Variants in HS3ST5 observed in about 807,000 individuals in gnomAD.
The protein encoded by HS3ST5 is heparan sulfate-glucosamine 3-sulfotransferase 5, also known as heparan sulfate glucosamine 3-O-sulfotransferase 5.
A neutral mutation model predicts 25.4 loss-of-function variants in HS3ST5; 10 were observed. That is an observed-to-expected ratio of 0.39 (90% CI 0.24 to 0.67). The LOEUF is 0.67. Ranked by LOEUF, HS3ST5 falls within the 30% of genes least tolerant of loss-of-function variation. HS3ST5 has a pLI of 0.44. For missense variants in HS3ST5, 324 were observed against 420.7 expected (o/e 0.77, Z 2.01); for synonymous variants, 170 against 162.4 (o/e 1.05, Z -0.36).
Position 114,060,138 on chromosome 6 carries a change from C to T in HS3ST5, c.108-1948G>A, listed in dbSNP as rs566006411. On this transcript the variant is annotated intron_variant, in intron 4 of 4. Transcript: ENST00000312719. ...AAGAGATTCTCCTGCCTCAGCCTCC[C>T]GAGTAGCTGGGATTACAGGCGTGCG... Among the ~76,000 whole-genome samples the T allele has an allele frequency of 3.7e-4, 56 of 152,204 alleles. No individual in the cohort carries two copies. The East Asian group carries it at 9.3e-3, about 25-fold the overall frequency.
chr6:114,147,743 G>A (rs745588891), intron 3 of HS3ST5, among the ~76,000 whole-genome samples: 2 of 151,970 alleles, frequency 1.3e-5, no homozygotes, highest in African/African-American at 2.4e-5. Flanking sequence ...ACCACACTTC[G>A]CTAATTTTTG....
Position 114,058,191 on chromosome 6 carries a change from C to A in HS3ST5, c.108-1G>T. On this transcript the variant is annotated splice_acceptor_variant, in intron 4 of 4. Transcript: ENST00000312719. LOFTEE classifies it high-confidence loss of function. The stretch of plus-strand genomic sequence containing the variant: ...TTCAATGGGGCAAATGGGTTGTAGC[C>A]TGCAAGCAAGACAGAGACACTTTAA... 1 of 1,595,134 alleles carries A rather than the reference C, an allele frequency of 6.3e-7. No individual in the cohort carries two copies. The highest frequency in any genetic ancestry group is 8.6e-7 in the Non-Finnish European group (1 of 1,166,682).
At chr6:114,277,369 C>T (rs1282364935) in intron 1 of HS3ST5, among the ~76,000 whole-genome samples, 1 of 149,124 alleles carries the variant, frequency 6.7e-6, no homozygotes, top group Non-Finnish European at 1.5e-5. Flanking sequence ...ATTTCTTTTG[C>T]TTCTTTACAA....
intron 1 of HS3ST5, among the ~76,000 whole-genome samples, chr6:114,251,236 C>A (rs1772645420): frequency 1.3e-5 from 2 of 152,128 alleles, no homozygotes; most frequent in Admixed American, 6.5e-5. Context: ...AGCAGTGAGG[C>A]ACTTTCTTCA....
intron 2 of HS3ST5, among the ~76,000 whole-genome samples, chr6:114,210,705 C>T (rs553983475): frequency 2.9e-4 from 44 of 152,318 alleles, no homozygotes; most frequent in African/African-American, 1.0e-3. Flanking sequence ...AGATATAGCT[C>T]GCTCAGCATT....
At chr6:114,227,397 T>A (rs1243905766) in intron 2 of HS3ST5, among the ~76,000 whole-genome samples, 1 of 151,720 alleles carries the variant, frequency 6.6e-6, no homozygotes, top group African/African-American at 2.4e-5. Context: ...ACTTCAGCCT[T>A]CACTATAAAA....
chr6:114,058,577 G>T (rs1306043888), intron 4 of HS3ST5: 2 of 169,514 alleles, frequency 1.2e-5, no homozygotes, highest in Non-Finnish European at 2.6e-5. Flanking sequence ...GGAGGTGGAA[G>T]GGTAGCAGGG....
At chr6:114,093,210 G>C (rs1156635097) in intron 3 of HS3ST5, among the ~76,000 whole-genome samples, 2 of 152,076 alleles carry the variant, frequency 1.3e-5, no homozygotes, top group African/African-American at 4.8e-5. Flanking sequence ...GAAGTACACT[G>C]GGTTGTTAAA....
intron 3 of HS3ST5, among the ~76,000 whole-genome samples, chr6:114,119,280 A>G (rs1310272108): frequency 6.6e-6 from 1 of 152,240 alleles, no homozygotes; most frequent in Non-Finnish European, 1.5e-5. Flanking sequence ...CAACACTGGC[A>G]TGGTGGTTGG....
intron 3 of HS3ST5, chr6:114,084,595 A>C (rs1359117454): frequency 5.2e-6 from 4 of 772,970 alleles, no homozygotes; most frequent in South Asian, 1.3e-5. Context: ...CACATAGTGC[A>C]GAGGAGAATT....
intron 2 of HS3ST5, among the ~76,000 whole-genome samples, chr6:114,206,855 A>G (rs1008527744): frequency 2.6e-5 from 4 of 152,220 alleles, no homozygotes; most frequent in African/African-American, 9.6e-5. Flanking sequence ...TTGCATACAT[A>G]GATTAACCTG....
chr6:114,248,330 GAAC>G, intron 1 of HS3ST5, among the ~76,000 whole-genome samples: 1 of 150,924 alleles, frequency 6.6e-6, no homozygotes, highest in Non-Finnish European at 1.5e-5. Context: ...GGAAATAAGA[GAAC>G]AACTAATCTT....
intron 3 of HS3ST5, among the ~76,000 whole-genome samples, chr6:114,163,617 G>A (rs910551866): frequency 3.9e-5 from 6 of 152,194 alleles, no homozygotes; most frequent in Middle Eastern, 3.4e-3. Flanking sequence ...TAAGGCAAAT[G>A]AGAATATTAA....
chr6:114,300,446 A>G (rs1284905682), intron 1 of HS3ST5, among the ~76,000 whole-genome samples: 2 of 152,218 alleles, frequency 1.3e-5, no homozygotes, highest in Non-Finnish European at 2.9e-5. Context: ...CTCAAACTAC[A>G]ATGAGATATC....
At chr6:114,135,208 A>G (rs1777533513) in intron 3 of HS3ST5, among the ~76,000 whole-genome samples, 1 of 152,232 alleles carries the variant, frequency 6.6e-6, no homozygotes, top group Middle Eastern at 3.2e-3. Flanking sequence ...CTCTTCCTAT[A>G]GGTGGTTGCA....
intron 2 of HS3ST5, among the ~76,000 whole-genome samples, chr6:114,179,920 G>A (rs987680886): frequency 5.3e-5 from 8 of 152,088 alleles, no homozygotes; most frequent in African/African-American, 9.7e-5. Context: ...GCTGAAGAAC[G>A]TGGAGTCTGA....
intron 2 of HS3ST5, among the ~76,000 whole-genome samples, chr6:114,173,356 A>G (rs553699132): frequency 3.9e-4 from 59 of 152,244 alleles, no homozygotes; most frequent in Admixed American, 8.5e-4. Flanking sequence ...AAGAAATTAA[A>G]AATGAGTAAT....
At chr6:114,088,393 CTCT>C (rs1267392273) in intron 3 of HS3ST5, among the ~76,000 whole-genome samples, 1 of 150,736 alleles carries the variant, frequency 6.6e-6, no homozygotes, top group Non-Finnish European at 1.5e-5. Flanking sequence ...GGATGATCTT[CTCT>C]TTTTTTTTTT....
chr6:114,062,152 C>G (rs1773152859), intron 4 of HS3ST5, among the ~76,000 whole-genome samples: 1 of 151,940 alleles, frequency 6.6e-6, no homozygotes, highest in African/African-American at 2.4e-5. Flanking sequence ...AATTTTCTCT[C>G]CATGGATTTC....
Sources: allele counts gnomAD v4.1 joint callset (sites outside exome capture counted in the v4.1 genomes callset), GRCh38; gene constraint gnomAD v4.1.1; transcripts MANE v1.5; gene names NCBI Gene and HGNC (gene_info 2026-07-23, HGNC 2026-07-21).